SOBP: variants seen among roughly 807,000 people sequenced by gnomAD.
SOBP encodes the protein sine oculis-binding protein homolog.
SOBP carries 4 observed loss-of-function variants against 53.6 expected under a neutral mutation model. The observed-to-expected ratio is 0.07, with a 90% CI of 0.04 to 0.17. The LOEUF (loss-of-function observed/expected upper bound fraction) is 0.17. Ranked by LOEUF, SOBP falls within the 10% of genes least tolerant of loss-of-function variation. The pLI, the probability that SOBP is intolerant of heterozygous loss-of-function variation, is 1.00. For missense variants in SOBP, 1,088 were observed against 1,204.7 expected, an observed-to-expected ratio of 0.90 and a Z score of 1.43; for synonymous variants, 584 against 522.6, an observed-to-expected ratio of 1.12 and a Z score of -1.60.
chr6:107,508,120 TA>T (rs756063754), intron 3 of SOBP, among the ~76,000 whole-genome samples: 1 of 152,218 alleles, frequency 6.6e-6, no homozygotes, highest in Non-Finnish European at 1.5e-5. Flanking sequence ...TTTGTGTTTT[TA>T]TTAGGGAAGA....
intron 4 of SOBP, among the ~76,000 whole-genome samples, chr6:107,562,642 G>T (rs565240790): frequency 6.6e-6 from 1 of 152,106 alleles, no homozygotes; most frequent in African/African-American, 2.4e-5. Context: ...TTTCCTTGTC[G>T]CCTTCTGCAA....
chr6:107,490,651 A>C lies in SOBP; in HGVS notation c.35A>C (p.Glu12Ala). ...AEMEKEGRPP[E>A]NKRSRKPAHP... Reference sequence around the variant, plus strand: ...ATGGAGAAAGAAGGGAGACCTCCCGAAAATAAACGGAGCAGGAAGCCGGCT... The same window carrying C: ...ATGGAGAAAGAAGGGAGACCTCCCGCAAATAAACGGAGCAGGAAGCCGGCT... Residue 12 changes from glutamate (E) to alanine (A), a missense_variant, in exon 1 of 7, where the codon GAA (glutamate) becomes GCA (alanine). By Grantham distance (107) the Glu-to-Ala change is moderately radical. Around this residue, in one of 6 missense-constraint regions of SOBP, gnomAD observed 37 missense variants for 37.8 expected, o/e 0.98. Transcript: ENST00000317357. The C allele has an allele frequency of 6.2e-7, 1 of 1,608,858 alleles. No homozygotes were observed. Among genetic ancestry groups the C allele is most frequent in the Non-Finnish European group, 8.5e-7 (1 of 1,177,246 alleles).
chr6:107,551,857 C>G (rs952133358), intron 4 of SOBP, among the ~76,000 whole-genome samples: 3 of 152,136 alleles, frequency 2.0e-5, no homozygotes, highest in African/African-American at 7.2e-5. Context: ...CTCATCTCTA[C>G]TAAATATACA....
At chr6:107,594,647 AATG>A in intron 5 of SOBP, among the ~76,000 whole-genome samples, 1 of 152,232 alleles carries the variant, frequency 6.6e-6, no homozygotes, top group Non-Finnish European at 1.5e-5. Context: ...TGCCATAGCA[AATG>A]GATGTGCCTC....
intron 4 of SOBP, among the ~76,000 whole-genome samples, chr6:107,552,441 T>C (rs1237298780): frequency 1.3e-5 from 2 of 152,124 alleles, no homozygotes; most frequent in Non-Finnish European, 2.9e-5. Flanking sequence ...AGGTGAGTTG[T>C]TGGGGAGGAC....
At chr6:107,650,797 C>A (rs866519062) in intron 6 of SOBP, among the ~76,000 whole-genome samples, 1 of 152,118 alleles carries the variant, frequency 6.6e-6, no homozygotes, top group Non-Finnish European at 1.5e-5. Context: ...AGGAGGGCCT[C>A]TAAATGTTTA....
chr6:107,612,886 C>G (rs1786651126), intron 5 of SOBP, among the ~76,000 whole-genome samples: 1 of 152,180 alleles, frequency 6.6e-6, no homozygotes. Flanking sequence ...AGAATGTTTT[C>G]AAGGTTCCTA....
At chr6:107,618,104 C>A (rs909093213) in intron 5 of SOBP, among the ~76,000 whole-genome samples, 29 of 152,124 alleles carry the variant, frequency 1.9e-4, no homozygotes, top group African/African-American at 7.0e-4. Flanking sequence ...ACTGGGATTA[C>A]AGGTGTGAGC....
intron 4 of SOBP, among the ~76,000 whole-genome samples, chr6:107,580,455 A>T (rs1387804993): frequency 5.3e-5 from 8 of 152,228 alleles, no homozygotes; most frequent in Non-Finnish European, 8.8e-5. Flanking sequence ...ATATATTTAC[A>T]GGATTGTTTG....
chr6:107,565,354 C>T (rs1784884585), intron 4 of SOBP, among the ~76,000 whole-genome samples: 1 of 152,218 alleles, frequency 6.6e-6, no homozygotes, highest in South Asian at 2.1e-4. Flanking sequence ...CCTGCAGGTT[C>T]AGTCAGACCA....
intron 4 of SOBP, among the ~76,000 whole-genome samples, chr6:107,535,075 A>G (rs990543448): frequency 2.0e-5 from 3 of 152,132 alleles, no homozygotes; most frequent in Non-Finnish European, 2.9e-5. Flanking sequence ...TTGTCTTTCT[A>G]TAATTCTGAA....
At chr6:107,523,667 A>G (rs570121647) in intron 3 of SOBP, among the ~76,000 whole-genome samples, 1 of 152,340 alleles carries the variant, frequency 6.6e-6, no homozygotes, top group South Asian at 2.1e-4. Context: ...TGGCTGGAGC[A>G]GCGAGGAGGG....
At chr6:107,602,516 A>G (rs897957488) in intron 5 of SOBP, among the ~76,000 whole-genome samples, 2 of 144,750 alleles carry the variant, frequency 1.4e-5, no homozygotes, top group African/African-American at 5.2e-5. Flanking sequence ...CAAAGTCTGG[A>G]ACTGATCCCC....
At chr6:107,555,555 A>G (rs373011531) in intron 4 of SOBP, among the ~76,000 whole-genome samples, 4 of 152,348 alleles carry the variant, frequency 2.6e-5, no homozygotes, top group South Asian at 2.1e-4. Context: ...CACTCCAACA[A>G]TCAGAGGCCC....
Position 107,500,678 on chromosome 6 carries a change from C to T in SOBP, c.97-2979C>T, listed in dbSNP as rs575764280. Among the ~76,000 whole-genome samples the T allele has an allele frequency of 3.8e-4, 57 of 151,742 alleles. 1 individual carries two copies. Among genetic ancestry groups the T allele is most frequent in the African/African-American group, 9.7e-4 (40 of 41,370 alleles). ...CTGGGACTACAGGCGCCCGCCACTA[C>T]GCCCGGCTAATTTTTTGTATTTTTA... is the stretch of plus-strand genomic sequence containing the variant. On this transcript the variant is annotated intron_variant, in intron 1 of 6. Coordinates refer to ENST00000317357, the MANE Select transcript of SOBP (RefSeq NM_018013.4).
intron 3 of SOBP, among the ~76,000 whole-genome samples, chr6:107,521,915 C>A (rs1392724144): frequency 6.8e-5 from 1 of 14,644 alleles, no homozygotes; most frequent in Non-Finnish European, 6.1e-4. Context: ...TTAAAACACA[C>A]ACACACACAC....
Position 107,552,571 on chromosome 6 carries a change from G to GGATA in SOBP, c.573+18964_573+18967dup, listed in dbSNP as rs111362117. Among the ~76,000 whole-genome samples, 15 of 152,226 alleles carry GGATA rather than the reference G, an allele frequency of 9.9e-5. 2 individuals are homozygous for GGATA. Among genetic ancestry groups the GGATA allele is most frequent in the African/African-American group, 3.4e-4 (14 of 41,536 alleles). On this transcript the variant is annotated intron_variant, in intron 4 of 6. Coordinates refer to ENST00000317357, the MANE Select transcript of SOBP (RefSeq NM_018013.4). ...AAAGGGGAGGAGGAGTTGAATGGAG[G>GGATA]GATAGACACTCACCATGTTCAGCCT... is the stretch of plus-strand genomic sequence containing the variant.
intron 6 of SOBP, among the ~76,000 whole-genome samples, chr6:107,647,245 A>G (rs141822701): frequency 2.2e-4 from 34 of 152,358 alleles, no homozygotes; most frequent in African/African-American, 8.2e-4. Flanking sequence ...ACTTAGCATT[A>G]TTAAGCCCAT....
At chr6:107,594,698 T>G (rs1400589936) in intron 5 of SOBP, among the ~76,000 whole-genome samples, 1 of 152,238 alleles carries the variant, frequency 6.6e-6, no homozygotes, top group Admixed American at 6.5e-5. Flanking sequence ...GAAATCCTCC[T>G]TTGTGAGGCA....
Sources: allele counts gnomAD v4.1 joint callset (sites outside exome capture counted in the v4.1 genomes callset), GRCh38; gene constraint gnomAD v4.1.1; regional missense constraint gnomAD v4.1.1; transcripts MANE v1.5; gene names NCBI Gene and HGNC (gene_info 2026-07-23, HGNC 2026-07-21).